The following ATF7IP variants were observed in gnomAD, a reference collection of about 807,000 sequenced individuals.
ATF7IP encodes activating transcription factor 7 interacting protein, also known as activating transcription factor 7-interacting protein 1.
Under a neutral mutation model 106.4 loss-of-function variants are expected in ATF7IP, and 23 were observed. The observed-to-expected ratio is 0.22, with a 90% CI of 0.16 to 0.31. ATF7IP has a LOEUF of 0.31. Ranked by LOEUF, ATF7IP falls within the 10% of genes least tolerant of loss-of-function variation. The pLI is 1.00. For synonymous variants in ATF7IP, 542 were observed against 539.0 expected, an observed-to-expected ratio of 1.01 and a Z score of -0.08; for missense variants, 1,334 against 1,524.3, an observed-to-expected ratio of 0.88 and a Z score of 2.08.
chr12:14,481,555 A>G (rs1447525851), intron 13 of ATF7IP: 1 of 406,366 alleles, frequency 2.5e-6, no homozygotes, highest in Non-Finnish European at 4.7e-6. Context: ...AGTTTTCAAA[A>G]AAGAAATGGC....
At chr12:14,495,160 C>T (rs1457429493) in intron 13 of ATF7IP, among the ~76,000 whole-genome samples, 1 of 152,060 alleles carries the variant, frequency 6.6e-6, no homozygotes, top group Non-Finnish European at 1.5e-5. Flanking sequence ...TTAGATTGTG[C>T]CCACCAGATG....
chr12:14,476,724 G>A lies in ATF7IP; in HGVS notation c.2941+756G>A, dbSNP rs139952909. Reference sequence around the variant, plus strand: ...TTCAGTGCAGATACTGTATATATATGTATTCATTTAATTTTGGTCATTTGA... The same window carrying A: ...TTCAGTGCAGATACTGTATATATATATATTCATTTAATTTTGGTCATTTGA... On this transcript the variant is annotated intron_variant, in intron 11 of 14. Coordinates refer to ENST00000261168, the MANE Select transcript of ATF7IP (RefSeq NM_018179.5). Among the ~76,000 whole-genome samples, 76 of 152,060 alleles carry A rather than the reference G, an allele frequency of 5.0e-4. No individual in the cohort carries two copies. The South Asian group carries it at 0.011, about 22-fold the overall frequency.
rs1945141563 is a variant in ATF7IP, at chr12:14,500,814, A to G, written c.*2741A>G. On this transcript the variant is annotated 3_prime_UTR_variant, in exon 15 of 15. Coordinates refer to ENST00000261168, the MANE Select transcript of ATF7IP (RefSeq NM_018179.5). ...AAAAAAATTCATTAGCCTAGCCTAT[A>G]TTATGTTTTCTGTCAAAGGAAAACA... is the stretch of plus-strand genomic sequence containing the variant. 6.6e-6 allele frequency: 1 copy of G among 152,246 alleles called. No individual in the cohort carries two copies. The allele number at this position is 152,246 out of a possible 1,614,324, so 9.4% of individuals were successfully genotyped here. A position where few individuals can be genotyped will look rare whatever the true frequency, so the allele number is the denominator to read the frequency against.
chr12:14,454,183 T>A (rs1943329156), intron 6 of ATF7IP, among the ~76,000 whole-genome samples: 1 of 152,158 alleles, frequency 6.6e-6, no homozygotes, highest in South Asian at 2.1e-4. Context: ...TTTTTTTGGC[T>A]ATGTGTCTTC....
intron 1 of ATF7IP, among the ~76,000 whole-genome samples, chr12:14,377,601 G>A (rs1194261183): frequency 1.3e-5 from 2 of 150,896 alleles, no homozygotes; most frequent in Admixed American, 6.6e-5. Context: ...GTGAGCCACC[G>A]CGCCCGGCCT....
intron 1 of ATF7IP, among the ~76,000 whole-genome samples, chr12:14,378,685 T>TA (rs1372761031): frequency 6.6e-6 from 1 of 152,206 alleles, no homozygotes; most frequent in African/African-American, 2.4e-5. Flanking sequence ...GCAGCCTACT[T>TA]ACACAGAATT....
At chr12:14,453,786 G>A (rs1019122435) in intron 6 of ATF7IP, among the ~76,000 whole-genome samples, 1 of 151,818 alleles carries the variant, frequency 6.6e-6, no homozygotes, top group Non-Finnish European at 1.5e-5. Flanking sequence ...CATCACGCTC[G>A]GCTAATTTTT....
chr12:14,460,820 T>G lies in ATF7IP; in HGVS notation c.2484T>G (p.Leu828=). 1 of 1,614,178 alleles carries G rather than the reference T, an allele frequency of 6.2e-7. No homozygotes were observed. The highest frequency in any genetic ancestry group is 8.5e-7 in the Non-Finnish European group (1 of 1,180,026). The part of the protein sequence containing the change: ...SVQSPPTVSG[L]TKNPVSLPSL... Reference sequence around the variant, plus strand: ...AAAGCCCACCTACAGTGAGTGGTCTTACCAAAAATCCAGTATCCTTGCCAT... The same window carrying G: ...AAAGCCCACCTACAGTGAGTGGTCTGACCAAAAATCCAGTATCCTTGCCAT... Residue 828 remains leucine, a synonymous_variant, in exon 9 of 15, where the codon CTT becomes CTG. Coordinates refer to ENST00000261168, the MANE Select transcript of ATF7IP (RefSeq NM_018179.5).
chr12:14,490,544 T>C (rs980448806), intron 13 of ATF7IP, among the ~76,000 whole-genome samples: 2 of 152,194 alleles, frequency 1.3e-5, no homozygotes, highest in African/African-American at 4.8e-5. Flanking sequence ...GTTCCTTCAC[T>C]GCTGTTCTTC....
At chr12:14,438,672 T>A (rs2136631098) in intron 5 of ATF7IP, among the ~76,000 whole-genome samples, 1 of 152,296 alleles carries the variant, frequency 6.6e-6, no homozygotes, top group East Asian at 1.9e-4. Context: ...TGTCTGTAAA[T>A]TTCCCCTTTT....
At chr12:14,487,820 A>C (rs780786449) in intron 13 of ATF7IP, among the ~76,000 whole-genome samples, 1 of 151,978 alleles carries the variant, frequency 6.6e-6, no homozygotes, top group African/African-American at 2.4e-5. Flanking sequence ...TTCTTTTATC[A>C]CTTTGTCCAC....
chr12:14,438,170 A>G lies in ATF7IP; in HGVS notation c.1832A>G (p.Gln611Arg), dbSNP rs1174691049. 1 of 1,613,380 alleles carries G rather than the reference A, an allele frequency of 6.2e-7. No homozygotes were observed. The highest frequency in any genetic ancestry group is 1.7e-5 in the Admixed American group (1 of 60,026). Residue 611 changes from glutamine (Q) to arginine (R), a missense_variant, in exon 5 of 15, where the codon CAG becomes CGG. Around this residue, in one of 10 missense-constraint regions of ATF7IP, gnomAD observed 22 missense variants for 47.4 expected, o/e 0.46. Transcript: ENST00000261168. ...CTGGAAGAAAAATTGTGTGCGCTGC[A>G]GTGTGCTGTATTTGATAAGACTTTG... ...WLLEEKLCAL[Q>R]CAVFDKTLAE... is the part of the protein sequence containing the mutation.
In ATF7IP at chr12:14,424,312, G is replaced by A; in HGVS notation, c.397G>A (p.Asp133Asn). 1 of 1,614,222 alleles carries A rather than the reference G, an allele frequency of 6.2e-7. No homozygotes were observed. The highest frequency in any genetic ancestry group is 8.5e-7 in the Non-Finnish European group (1 of 1,180,042). ...ACTGCCTGCTGAACCAGTTTCTGGT[G>A]ATCCAGCCCCTGGTGATCTGGATGC... Reference protein sequence around the residue: ...SKLPAEPVSGDPAPGDLDAGD... With the variant: ...SKLPAEPVSGNPAPGDLDAGD... The change falls in exon 2 of 15, where the codon GAT becomes AAT. Residue 133 changes from aspartate (D) to asparagine (N), a missense_variant. By Grantham distance (23) the Asp-to-Asn change is conservative. Around this residue, in one of 10 missense-constraint regions of ATF7IP, gnomAD observed 438 missense variants for 405.3 expected, o/e 1.08. Coordinates refer to ENST00000261168, the MANE Select transcript of ATF7IP (RefSeq NM_018179.5).
chr12:14,483,129 T>A (rs1944481681), intron 13 of ATF7IP, among the ~76,000 whole-genome samples: 1 of 152,226 alleles, frequency 6.6e-6, no homozygotes, highest in African/African-American at 2.4e-5. Flanking sequence ...ACTACCTTCT[T>A]CTACTACCCA....
intron 1 of ATF7IP, among the ~76,000 whole-genome samples, chr12:14,394,438 A>G (rs1225114643): frequency 1.3e-5 from 2 of 152,166 alleles, no homozygotes; most frequent in East Asian, 1.9e-4. Flanking sequence ...ATTCTATTCA[A>G]ATATGTATAT....
intron 1 of ATF7IP, among the ~76,000 whole-genome samples, chr12:14,406,819 C>T (rs1940617108): frequency 6.6e-6 from 1 of 151,864 alleles, no homozygotes. Flanking sequence ...GTCTTGAACT[C>T]CTGACATTGT....
Position 14,424,077 on chromosome 12 carries a change from C to T in ATF7IP, c.162C>T (p.Asp54=), listed in dbSNP as rs1458510391. The T allele has an allele frequency of 6.2e-7, 1 of 1,614,026 alleles. No individual in the cohort carries two copies. Among genetic ancestry groups the T allele is most frequent in the Non-Finnish European group, 8.5e-7 (1 of 1,180,008 alleles). The change falls in exon 2 of 15, where the codon GAC becomes GAT. Residue 54 remains aspartate, a synonymous_variant. Coordinates refer to ENST00000261168, the MANE Select transcript of ATF7IP (RefSeq NM_018179.5). ...GCAACCATGAAAATGGAGATTTGGA[C>T]CCAACCTCACCTTTGGAAAACATGG... ...LNGNHENGDL[D]PTSPLENMDY...
chr12:14,453,086 G>C (rs944945923), intron 6 of ATF7IP, among the ~76,000 whole-genome samples: 1 of 152,110 alleles, frequency 6.6e-6, no homozygotes, highest in South Asian at 2.1e-4. Context: ...TCTTATGGGA[G>C]TTCCCTTGTG....
Position 14,456,624 on chromosome 12 carries a change from A to T in ATF7IP, c.2059A>T (p.Met687Leu). ...AAATGATGTCAACAGCAATAATAAC[A>T]TGTCTTACAGGTGAGAATTCATAGT... ...TVNDVNSNNN[M>L]SYRNAGTVRQ... Residue 687 changes from methionine (M) to leucine (L), a missense_variant, in exon 7 of 15, where the codon ATG (methionine) becomes TTG (leucine). Physicochemically the swap from Met to Leu is conservative, Grantham distance 15. Transcript: ENST00000261168. 1.2e-6 allele frequency: 2 copies of T among 1,608,090 alleles called. No homozygotes were observed. The highest frequency in any genetic ancestry group is 1.7e-6 in the Non-Finnish European group (2 of 1,175,604).
Sources: allele counts gnomAD v4.1 joint callset (sites outside exome capture counted in the v4.1 genomes callset), GRCh38; gene constraint gnomAD v4.1.1; regional missense constraint gnomAD v4.1.1; transcripts MANE v1.5; gene names NCBI Gene and HGNC (gene_info 2026-07-23, HGNC 2026-07-21).